Variants in HEXB observed in about 807,000 individuals in gnomAD.
HEXB encodes the protein beta-hexosaminidase subunit beta.
Under a neutral mutation model 71.2 loss-of-function variants are expected in HEXB, and 51 were observed. The ratio of observed to expected loss-of-function variants is 0.72; its 90% CI spans 0.57 to 0.90. HEXB has a LOEUF of 0.90. Among genes scored for constraint, HEXB ranks in the 40% least tolerant of loss-of-function variants. HEXB has a pLI of 0.00. For synonymous variants in HEXB, 266 were observed against 249.3 expected (o/e 1.07, Z -0.63); for missense variants, 617 against 677.0 (o/e 0.91, Z 0.98).
chr5:74,645,813 C>T (rs1216891023), intron 1 of HEXB, among the ~76,000 whole-genome samples: 6 of 152,152 alleles, frequency 3.9e-5, no homozygotes, highest in African/African-American at 2.4e-5. Flanking sequence ...TTTAAAACAG[C>T]GCTTATTATT....
At chr5:74,720,908 TTG>T (rs758552522) in intron 13 of HEXB, 161 bp downstream of exon 13, 3 of 779,134 alleles carry the variant, frequency 3.9e-6, no homozygotes, top group Non-Finnish European at 4.4e-6. Context: ...ATATTCAGAC[TTG>T]TGACTGTTTT....
intron 1 of HEXB, among the ~76,000 whole-genome samples, chr5:74,676,632 G>A (rs820862): frequency 0.45 from 68,001 of 151,844 alleles, 16,639 homozygotes; most frequent in Non-Finnish European, 0.55. Flanking sequence ...TGGGCGTGGT[G>A]GCACATGCCT....
rs148493121 is a variant in HEXB, at chr5:74,647,041, G to C, written c.-377+6483G>C. Among the ~76,000 whole-genome samples the C allele has an allele frequency of 3.2e-4, 48 of 152,328 alleles. No individual in the cohort carries two copies. The East Asian group carries it at 9.3e-3, about 29-fold the overall frequency. On this transcript the variant is annotated intron_variant, in intron 1 of 13. Coordinates refer to the HEXB transcript ENST00000511181. ...TGCCTACTTTTTCCTGCCCTGAAGA[G>C]CTTGGAGAGTGTGCTTGGTAAAAGC... is the stretch of plus-strand genomic sequence containing the variant.
At chr5:74,689,519 T>A in intron 2 of HEXB, 46 bp downstream of exon 2, 1 of 1,572,324 alleles carries the variant, frequency 6.4e-7, no homozygotes, top group Admixed American at 1.7e-5. Context: ...AGGTGCTCGC[T>A]GACGGACTTA....
At chr5:74,687,608 T>A (rs901104942) in intron 1 of HEXB, among the ~76,000 whole-genome samples, 2 of 152,240 alleles carry the variant, frequency 1.3e-5, no homozygotes, top group Non-Finnish European at 2.9e-5. Flanking sequence ...AGAATTTTAC[T>A]ACCTAGGGTC....
At chr5:74,713,392 T>C in intron 6 of HEXB, 114 bp from the exon 7 acceptor site, 3 of 952,524 alleles carry the variant, frequency 3.1e-6, no homozygotes, top group Non-Finnish European at 5.1e-6. Context: ...AACTAATACA[T>C]TGTCATAGTG....
intron 3 of HEXB, among the ~76,000 whole-genome samples, 167 bp downstream of exon 3, chr5:74,693,871 G>C (rs905111413): frequency 1.3e-5 from 2 of 151,998 alleles, no homozygotes; most frequent in African/African-American, 4.8e-5. Context: ...ATAAAGCATG[G>C]GAGAGGTCAG....
At chr5:74,688,504 G>A (rs1321937469) in intron 1 of HEXB, among the ~76,000 whole-genome samples, 1 of 151,814 alleles carries the variant, frequency 6.6e-6, no homozygotes, top group African/African-American at 2.4e-5. Flanking sequence ...CCAGCTGATT[G>A]TTTGTATTTT....
chr5:74,649,116 G>C lies in HEXB; in HGVS notation c.-377+8558G>C, dbSNP rs572488252. The stretch of plus-strand genomic sequence containing the variant: ...TTGAGCAGCCACTCTTGCTGTCATA[G>C]CCCTAAAGTTTCTGCATTCAAATGA... On this transcript the variant is annotated intron_variant, in intron 1 of 13. Coordinates refer to the HEXB transcript ENST00000511181. Among the ~76,000 whole-genome samples the C allele has an allele frequency of 3.0e-3, 452 of 152,314 alleles. 1 individual carries two copies. The highest frequency in any genetic ancestry group is 0.01 in the African/African-American group (430 of 41,576).
intron 5 of HEXB, among the ~76,000 whole-genome samples, chr5:74,701,050 AT>A (rs1192368441): frequency 6.3e-3 from 865 of 136,922 alleles, no homozygotes; most frequent in Middle Eastern, 7.8e-3. Context: ...CCCTGCTAAC[AT>A]TTTTTTTTTT....
intron 1 of HEXB, among the ~76,000 whole-genome samples, chr5:74,653,111 A>G (rs1445352964): frequency 6.6e-6 from 1 of 152,238 alleles, no homozygotes; most frequent in Non-Finnish European, 1.5e-5. Flanking sequence ...GAGGCATTAT[A>G]AAAAGAGTCA....
At chr5:74,698,306 T>C (rs932766605) in intron 5 of HEXB, among the ~76,000 whole-genome samples, 1 of 151,770 alleles carries the variant, frequency 6.6e-6, no homozygotes, top group East Asian at 1.9e-4. Context: ...ACTCCTGACC[T>C]CAGGTGATCC....
chr5:74,663,000 A>C (rs1362184640), intron 1 of HEXB, among the ~76,000 whole-genome samples: 1 of 152,168 alleles, frequency 6.6e-6, no homozygotes, highest in African/African-American at 2.4e-5. Flanking sequence ...CGGATTTTTT[A>C]ATTCTTCAAA....
chr5:74,678,152 G>A (rs1263424747), intron 1 of HEXB, among the ~76,000 whole-genome samples: 1 of 151,990 alleles, frequency 6.6e-6, no homozygotes, highest in Non-Finnish European at 1.5e-5. Flanking sequence ...CAAAAAATTA[G>A]CTGGGCATGG....
intron 6 of HEXB, among the ~76,000 whole-genome samples, chr5:74,710,159 G>T (rs1290049819): frequency 1.3e-5 from 2 of 152,094 alleles, no homozygotes; most frequent in Non-Finnish European, 2.9e-5. Flanking sequence ...ATGTAATCCA[G>T]CATATAAACA....
At chr5:74,668,692 A>T (rs820849) in intron 1 of HEXB, among the ~76,000 whole-genome samples, 16,544 of 152,278 alleles carry the variant, frequency 0.11, 1,178 homozygotes, top group Non-Finnish European at 0.15. Context: ...AGCAGTGGAC[A>T]CATCAAGATA....
intron 5 of HEXB, among the ~76,000 whole-genome samples, chr5:74,701,688 A>C (rs1749264240): frequency 6.6e-6 from 1 of 151,960 alleles, no homozygotes; most frequent in Non-Finnish European, 1.5e-5. Context: ...AAGAACTCCT[A>C]TATACTCTTT....
chr5:74,696,090 T>A (rs1431753076), intron 3 of HEXB, among the ~76,000 whole-genome samples: 1 of 152,188 alleles, frequency 6.6e-6, no homozygotes, highest in Non-Finnish European at 1.5e-5. Flanking sequence ...AGGTTAAAAA[T>A]TCCCTGGCTA....
intron 1 of HEXB, among the ~76,000 whole-genome samples, chr5:74,650,194 A>T (rs1748076292): frequency 6.6e-6 from 1 of 152,196 alleles, no homozygotes; most frequent in Non-Finnish European, 1.5e-5. Context: ...GCGGGCACGG[A>T]ACCTCCTCGA....
Sources: gnomAD v4.1 joint callset for allele counts (sites outside exome capture counted in the v4.1 genomes callset) on GRCh38, gnomAD v4.1.1 for gene constraint, MANE v1.5 for transcripts, NCBI Gene and HGNC (gene_info 2026-07-23, HGNC 2026-07-21) for gene names.